Variants in BORCS5 observed in about 807,000 individuals in gnomAD.
The protein encoded by BORCS5 is BLOC-1-related complex subunit 5.
A neutral mutation model predicts 22.1 loss-of-function variants in BORCS5; 17 were observed. The observed-to-expected ratio is 0.77, with a 90% CI of 0.53 to 1.15. BORCS5 has a LOEUF of 1.15. Among genes scored for constraint, BORCS5 ranks in the 50% most tolerant of loss-of-function variants. The pLI, the probability that BORCS5 is intolerant of heterozygous loss-of-function variation, is 0.00. For synonymous variants in BORCS5, 117 were observed against 99.8 expected, an observed-to-expected ratio of 1.17 and a Z score of -1.03; for missense variants, 247 against 253.2, an observed-to-expected ratio of 0.98 and a Z score of 0.17.
chr12:12,443,175 C>A (rs541498337), intron 3 of BORCS5, among the ~76,000 whole-genome samples: 10 of 152,276 alleles, frequency 6.6e-5, no homozygotes, highest in Admixed American at 4.6e-4. Context: ...AGTCCTGTGG[C>A]CGCTTTTAAA....
Position 12,470,102 on chromosome 12 carries a change from G to A in BORCS5, c.*4326G>A, listed in dbSNP as rs552918694. Among the ~76,000 whole-genome samples the A allele has an allele frequency of 7.2e-4, 109 of 152,162 alleles. No homozygotes were observed. Among genetic ancestry groups the A allele is most frequent in the African/African-American group, 2.4e-3 (100 of 41,496 alleles). On this transcript the variant is annotated 3_prime_UTR_variant, in exon 4 of 4. Transcript: ENST00000314565. Reference sequence around the variant, plus strand: ...TTGTTGTTTATTGAGATGGAGTCTCGCTCTGTTGCCCAGGCTGGAGTGCAG... The same window carrying A: ...TTGTTGTTTATTGAGATGGAGTCTCACTCTGTTGCCCAGGCTGGAGTGCAG...
chr12:12,424,606 A>ATT (rs34233192), intron 2 of BORCS5, among the ~76,000 whole-genome samples: 2,885 of 145,172 alleles, frequency 0.02, 42 homozygotes, highest in Non-Finnish European at 0.032. Context: ...ATGACTGGTG[A>ATT]TTTTTTTTTT....
At chr12:12,370,099 TACACACACAC>T (rs56408181) in intron 2 of BORCS5, among the ~76,000 whole-genome samples, 15 of 145,408 alleles carry the variant, frequency 1.0e-4, no homozygotes, top group Non-Finnish European at 1.4e-4. Context: ...AGTGGTTTTA[TACACACACAC>T]ACACACACAC....
chr12:12,430,174 A>G (rs1261613991), intron 2 of BORCS5, among the ~76,000 whole-genome samples: 1 of 25,424 alleles, frequency 3.9e-5, no homozygotes, highest in African/African-American at 4.6e-4. Context: ...TTTTTGAGAC[A>G]GAGTCTTGCT....
intron 2 of BORCS5, among the ~76,000 whole-genome samples, chr12:12,376,490 C>T (rs957546622): frequency 7.9e-5 from 12 of 152,188 alleles, no homozygotes; most frequent in African/African-American, 2.9e-4. Context: ...GCCTCGGCCT[C>T]CCAAAGTGCT....
intron 3 of BORCS5, among the ~76,000 whole-genome samples, chr12:12,458,162 C>G (rs75480335): frequency 1.2e-3 from 176 of 152,214 alleles, no homozygotes; most frequent in African/African-American, 4.2e-3. Flanking sequence ...GATCTGTAGT[C>G]CATCTTGCTT....
intron 3 of BORCS5, among the ~76,000 whole-genome samples, chr12:12,459,171 C>T (rs1358308059): frequency 6.6e-6 from 1 of 151,958 alleles, no homozygotes; most frequent in East Asian, 2.0e-4. Flanking sequence ...TCTGGGATTA[C>T]AGGCATGAGC....
intron 2 of BORCS5, among the ~76,000 whole-genome samples, chr12:12,412,796 A>G (rs535763817): frequency 1.3e-5 from 2 of 151,002 alleles, no homozygotes; most frequent in African/African-American, 4.9e-5. Context: ...GTCTCCTTCC[A>G]TTCCTTGTTT....
At chr12:12,421,999 C>T (rs975621629) in intron 2 of BORCS5, among the ~76,000 whole-genome samples, 3 of 152,142 alleles carry the variant, frequency 2.0e-5, no homozygotes, top group Admixed American at 2.0e-4. Context: ...TTTCAAAAAA[C>T]CAGCTCCTGG....
chr12:12,428,089 A>G (rs1942334053), intron 2 of BORCS5, among the ~76,000 whole-genome samples: 1 of 152,206 alleles, frequency 6.6e-6, no homozygotes, highest in Admixed American at 6.5e-5. Context: ...ATTCTGTAGC[A>G]GTAAATGGAG....
At chr12:12,407,025 TC>T (rs956941357) in intron 2 of BORCS5, among the ~76,000 whole-genome samples, 1 of 152,212 alleles carries the variant, frequency 6.6e-6, no homozygotes, top group African/African-American at 2.4e-5. Context: ...CATTCATTCT[TC>T]CAGGCAAGTG....
At chr12:12,391,674 C>A (rs1431654878) in intron 2 of BORCS5, among the ~76,000 whole-genome samples, 1 of 151,422 alleles carries the variant, frequency 6.6e-6, no homozygotes, top group Non-Finnish European at 1.5e-5. Context: ...AGACGTGAGC[C>A]ACCACGCCTG....
intron 3 of BORCS5, among the ~76,000 whole-genome samples, chr12:12,462,720 G>A (rs1200935356): frequency 3.9e-5 from 6 of 152,114 alleles, no homozygotes; most frequent in Middle Eastern, 6.8e-3. Flanking sequence ...GCAGTGGTGC[G>A]ATCTTGGCTC....
At chr12:12,361,469 G>A (rs1486663845) in intron 2 of BORCS5, 120 bp downstream of exon 2, 2 of 1,124,170 alleles carry the variant, frequency 1.8e-6, no homozygotes, top group Non-Finnish European at 2.6e-6. Context: ...TTGCTTAAAT[G>A]GCATCTTCTC....
chr12:12,453,176 A>G (rs932127493), intron 3 of BORCS5, among the ~76,000 whole-genome samples: 14 of 152,230 alleles, frequency 9.2e-5, no homozygotes, highest in African/African-American at 2.9e-4. Flanking sequence ...TCATTTCACT[A>G]TGTATATGTA....
intron 2 of BORCS5, among the ~76,000 whole-genome samples, chr12:12,418,205 T>TG (rs1942020945): frequency 6.7e-6 from 1 of 149,558 alleles, no homozygotes; most frequent in African/African-American, 2.5e-5. Context: ...TTTTTTGTTT[T>TG]TTTTTTTGTT....
chr12:12,372,354 T>G (rs1863549132), intron 2 of BORCS5, among the ~76,000 whole-genome samples: 1 of 152,108 alleles, frequency 6.6e-6, no homozygotes, highest in African/African-American at 2.4e-5. Context: ...AATTTTTTTT[T>G]TCCTTTTAGA....
At chr12:12,362,098 A>G (rs1213435406) in intron 2 of BORCS5, among the ~76,000 whole-genome samples, 1 of 152,248 alleles carries the variant, frequency 6.6e-6, no homozygotes, top group East Asian at 1.9e-4. Flanking sequence ...GGTATAATAC[A>G]GTGTAAAACA....
chr12:12,464,416 TTG>T (rs552493842), intron 3 of BORCS5, among the ~76,000 whole-genome samples: 4 of 152,214 alleles, frequency 2.6e-5, no homozygotes, highest in African/African-American at 4.8e-5. Flanking sequence ...GAGTTTGTTT[TTG>T]TGTCTCTCGA....
Sources: allele counts gnomAD v4.1 joint callset (sites outside exome capture counted in the v4.1 genomes callset), GRCh38; gene constraint gnomAD v4.1.1; transcripts MANE v1.5; gene names NCBI Gene and HGNC (gene_info 2026-07-23, HGNC 2026-07-21).